The following FBN2 variants were observed in gnomAD, a reference collection of about 807,000 sequenced individuals.
FBN2 encodes fibrillin-2.
A neutral mutation model predicts 355.6 loss-of-function variants in FBN2; 105 were observed. That is an observed-to-expected ratio of 0.30 (90% confidence interval 0.25 to 0.35). The LOEUF (loss-of-function observed/expected upper bound fraction) is 0.35. Ranked by LOEUF, FBN2 falls within the 10% of genes least tolerant of loss-of-function variation. The pLI is 1.00. For synonymous variants in FBN2, 1,350 were observed against 1,301.2 expected (o/e 1.04, Z -0.81); for missense variants, 3,280 against 3,758.7 (o/e 0.87, Z 3.33).
chr5:128,483,371 G>A lies in FBN2; in HGVS notation c.629-18450C>T, dbSNP rs193247642. 3.0e-3 allele frequency among the ~76,000 whole-genome samples: 461 copies of A among 152,214 alleles called. 3 individuals carry two copies. The highest frequency in any genetic ancestry group is 6.8e-3 in the Middle Eastern group (2 of 294). The stretch of plus-strand genomic sequence containing the variant: ...AAAATATATGAACAAGGAATTAGAT[G>A]GGCCACACTGATTTAGGGTTGATAT... On this transcript the variant is annotated intron_variant, in intron 5 of 64. Transcript: ENST00000262464.
At chr5:128,352,195 T>C in intron 20 of FBN2, among the ~76,000 whole-genome samples, 1 of 151,976 alleles carries the variant, frequency 6.6e-6, no homozygotes, top group South Asian at 2.1e-4. Context: ...ATGTATTTTC[T>C]TTCAGGCACT....
intron 50 of FBN2, 36 bp from the exon 51 acceptor site, chr5:128,289,983 A>C: frequency 8.2e-7 from 1 of 1,226,600 alleles, no homozygotes; most frequent in Non-Finnish European, 1.2e-6. Flanking sequence ...ATTATTGAAG[A>C]CTTGAAATTA....
chr5:128,537,725 C>T lies in FBN2; in HGVS notation c.-122G>A, dbSNP rs557716482. On this transcript the variant is annotated 5_prime_UTR_variant, in exon 1 of 65. Coordinates refer to ENST00000262464, the MANE Select transcript of FBN2 (RefSeq NM_001999.4). Reference sequence around the variant, plus strand: ...CCTTCGTCGGCTCCGGGGACTCCCTCGGGCTCGGGCTCCCTGCTCTAGCTG... The same window carrying T: ...CCTTCGTCGGCTCCGGGGACTCCCTTGGGCTCGGGCTCCCTGCTCTAGCTG... The T allele has an allele frequency of 9.5e-6, 9 of 947,800 alleles. 1 individual carries two copies. The highest frequency in any genetic ancestry group is 3.2e-5 in the African/African-American group (2 of 61,632). 58.7% of individuals were successfully genotyped at this position (947,800 alleles called of 1,614,324 possible).
At chr5:128,438,973 T>TAC (rs939771046) in intron 7 of FBN2, among the ~76,000 whole-genome samples, 1 of 151,878 alleles carries the variant, frequency 6.6e-6, no homozygotes, top group African/African-American at 2.4e-5. Context: ...CACACACACA[T>TAC]ACACACACAC....
At chr5:128,283,433 A>G (rs546725676) in intron 55 of FBN2, among the ~76,000 whole-genome samples, 1 of 152,308 alleles carries the variant, frequency 6.6e-6, no homozygotes, top group Non-Finnish European at 1.5e-5. Context: ...GTTACTCTAC[A>G]TCTTAGTAGC....
intron 52 of FBN2, among the ~76,000 whole-genome samples, chr5:128,288,820 G>C (rs1749234557): frequency 6.6e-6 from 1 of 152,218 alleles, no homozygotes; most frequent in Admixed American, 6.5e-5. Flanking sequence ...TCTGCTTCAA[G>C]AGCAGGCATG....
intron 7 of FBN2, among the ~76,000 whole-genome samples, chr5:128,411,166 G>A (rs1403103971): frequency 6.6e-6 from 1 of 152,090 alleles, no homozygotes; most frequent in Non-Finnish European, 1.5e-5. Flanking sequence ...GAGTGTTTCC[G>A]GATGCCGGCA....
chr5:128,320,064 A>C (rs1750327296), intron 34 of FBN2, among the ~76,000 whole-genome samples: 1 of 152,208 alleles, frequency 6.6e-6, no homozygotes, highest in South Asian at 2.1e-4. Flanking sequence ...AATCATGTTT[A>C]AAGTTTAACA....
intron 7 of FBN2, 50 bp downstream of exon 7, chr5:128,446,431 C>T (rs892822291): frequency 3.7e-6 from 6 of 1,600,104 alleles, no homozygotes; most frequent in Non-Finnish European, 5.1e-6. Flanking sequence ...TCCTGTTTTT[C>T]TTGCATTAAA....
At chr5:128,521,523 AT>A (rs1216128760) in intron 4 of FBN2, among the ~76,000 whole-genome samples, 1 of 152,232 alleles carries the variant, frequency 6.6e-6, no homozygotes, top group Non-Finnish European at 1.5e-5. Flanking sequence ...AGAAATTAAA[AT>A]ACAATTAAAT....
intron 55 of FBN2, among the ~76,000 whole-genome samples, chr5:128,284,768 G>T (rs1182853041): frequency 6.6e-6 from 1 of 152,046 alleles, no homozygotes; most frequent in African/African-American, 2.4e-5. Context: ...CCTCACCTCC[G>T]GCAGTCTCCA....
At chr5:128,378,519 T>G (rs1235982351) in intron 12 of FBN2, among the ~76,000 whole-genome samples, 1 of 152,122 alleles carries the variant, frequency 6.6e-6, no homozygotes, top group African/African-American at 2.4e-5. Context: ...TGATGTTATC[T>G]GGAGAAAGGA....
intron 9 of FBN2, among the ~76,000 whole-genome samples, chr5:128,393,864 A>T (rs897593081): frequency 6.6e-6 from 1 of 152,204 alleles, no homozygotes; most frequent in Non-Finnish European, 1.5e-5. Context: ...GGTAGACAAT[A>T]TCAAGTAAGC....
intron 63 of FBN2, 28 bp from the exon 64 acceptor site, chr5:128,261,935 G>A: frequency 6.3e-7 from 1 of 1,597,164 alleles, no homozygotes; most frequent in Non-Finnish European, 8.6e-7. Flanking sequence ...AGTATTGTTA[G>A]ACTTTATCAC....
intron 7 of FBN2, among the ~76,000 whole-genome samples, chr5:128,430,845 G>A (rs1026051449): frequency 6.1e-5 from 9 of 147,782 alleles, no homozygotes; most frequent in Admixed American, 2.8e-4. Flanking sequence ...GTGAAACCCT[G>A]TCTCAAAAAT....
In FBN2 at chr5:128,386,940, A is replaced by G. The variant is rs181392367; in HGVS notation, c.1603+5078T>C. Among the ~76,000 whole-genome samples the G allele has an allele frequency of 1.2e-4, 18 of 152,276 alleles. No individual in the cohort carries two copies. The East Asian group carries it at 3.1e-3, about 26-fold the overall frequency. On this transcript the variant is annotated intron_variant, in intron 11 of 64. Transcript: ENST00000262464. ...ATCTCTGCCAGGTGTTGGTATAAGA[A>G]TAATTCAGGCTTCATAGAATGAGTT...
At chr5:128,338,352 A>G (rs1750902205) in intron 26 of FBN2, among the ~76,000 whole-genome samples, 1 of 152,224 alleles carries the variant, frequency 6.6e-6, no homozygotes, top group African/African-American at 2.4e-5. Flanking sequence ...GCATGAAATC[A>G]GCAGGCTCAC....
intron 23 of FBN2, among the ~76,000 whole-genome samples, chr5:128,348,616 C>T (rs1751248582): frequency 6.6e-6 from 1 of 151,904 alleles, no homozygotes; most frequent in African/African-American, 2.4e-5. Context: ...GTCTAAATTT[C>T]AAATACAAAT....
intron 61 of FBN2, among the ~76,000 whole-genome samples, chr5:128,272,482 A>ATATT (rs1331797349): frequency 6.8e-6 from 1 of 147,812 alleles, no homozygotes; most frequent in African/African-American, 2.5e-5. Context: ...ATATATATAT[A>ATATT]TATAAAATAT....
Sources: allele counts gnomAD v4.1 joint callset (sites outside exome capture counted in the v4.1 genomes callset), GRCh38; gene constraint gnomAD v4.1.1; transcripts MANE v1.5; gene names NCBI Gene and HGNC (gene_info 2026-07-23, HGNC 2026-07-21).